The following ADAMTS10 variants were observed in gnomAD, a reference collection of about 807,000 sequenced individuals.
ADAMTS10 encodes ADAM metallopeptidase with thrombospondin type 1 motif 10.
In ADAMTS10, 48 loss-of-function variants were observed where a neutral mutation model predicts 135.9. The observed-to-expected ratio is 0.35, with a 90% CI of 0.28 to 0.45. The LOEUF is 0.45. ADAMTS10 is among the 20% of genes least tolerant of loss of function. The probability of loss-of-function intolerance (pLI) is 1.00; values close to 1 mark genes in which losing one functional copy is unlikely to be tolerated. For missense variants in ADAMTS10, 1,131 were observed against 1,565.2 expected (o/e 0.72, Z 4.68); for synonymous variants, 621 against 647.5 (o/e 0.96, Z 0.62).
intron 18 of ADAMTS10, among the ~76,000 whole-genome samples, chr19:8,588,831 G>A (rs550183805): frequency 8.6e-5 from 13 of 151,484 alleles, no homozygotes; most frequent in Non-Finnish European, 1.5e-4. Context: ...TCGCTCTGTC[G>A]CCCAGACTGG....
chr19:8,586,303 C>T (rs1471352473), intron 21 of ADAMTS10, 41 bp downstream of exon 21: 4 of 1,613,354 alleles, frequency 2.5e-6, no homozygotes, highest in Non-Finnish European at 3.4e-6. Context: ...CAGAGAACCT[C>T]AGCCCAGGTA....
Position 8,580,990 on chromosome 19 carries a change from A to C in ADAMTS10, c.3215T>G (p.Val1072Gly). 6.2e-7 allele frequency: 1 copy of C among 1,613,078 alleles called. No individual in the cohort carries two copies. Among genetic ancestry groups the C allele is most frequent in the African/African-American group, 1.3e-5 (1 of 74,978 alleles). Residue 1072 changes from valine to glycine, a missense_variant, in exon 26 of 26, where the codon GTG becomes GGG. By Grantham distance (109) the Val-to-Gly change is moderately radical. Coordinates refer to ENST00000597188, the MANE Select transcript of ADAMTS10 (RefSeq NM_030957.4). ...PGDGPEECKD[V>G]NKVAYCPLVL... is the part of the protein sequence containing the mutation. The stretch of plus-strand genomic sequence containing the variant: ...CAGGGGGCAGTAGGCGACCTTGTTC[A>C]CATCCTTGCACTCTGCGGGGACGGG...
intron 18 of ADAMTS10, among the ~76,000 whole-genome samples, chr19:8,588,742 A>C (rs1202455196): frequency 6.6e-6 from 1 of 151,830 alleles, no homozygotes; most frequent in East Asian, 1.9e-4. Flanking sequence ...CAGACGTGGC[A>C]TGAGCTTCTC....
intron 13 of ADAMTS10, 64 bp from the exon 14 acceptor site, chr19:8,592,167 C>A: frequency 6.2e-7 from 1 of 1,611,836 alleles, no homozygotes; most frequent in Non-Finnish European, 8.5e-7. Flanking sequence ...CCCCATGCAC[C>A]GTTCCCCACT....
At chr19:8,592,416 T>A (rs1448835516) in intron 13 of ADAMTS10, among the ~76,000 whole-genome samples, 5 of 151,396 alleles carry the variant, frequency 3.3e-5, no homozygotes, top group Non-Finnish European at 7.4e-5. Flanking sequence ...GCAGTAGGCG[T>A]GGCCAGAGCC....
intron 15 of ADAMTS10, among the ~76,000 whole-genome samples, chr19:8,591,432 T>TAGCG (rs1301309710): frequency 6.8e-6 from 1 of 147,214 alleles, no homozygotes; most frequent in Non-Finnish European, 1.5e-5. Flanking sequence ...AGCACTCTGA[T>TAGCG]AGCGTTTTTG....
chr19:8,583,797 C>T (rs1320642440), intron 25 of ADAMTS10, among the ~76,000 whole-genome samples: 4 of 151,978 alleles, frequency 2.6e-5, no homozygotes, highest in Non-Finnish European at 5.9e-5. Context: ...GTGGAGGTTG[C>T]AGTGAGCCGA....
In ADAMTS10 at chr19:8,603,836, G is replaced by T. The variant is rs782071732; in HGVS notation, c.484C>A (p.His162Asn). Residue 162 changes from histidine (H) to asparagine (N), a missense_variant, in exon 5 of 26, where the codon CAC (histidine) becomes AAC (asparagine). His to Asn is a moderately conservative substitution (Grantham distance 68, BLOSUM62 1). Transcript: ENST00000597188. ...CTCCGAGAACCCTTGGGCCCACCGTGCAGGGGCTCAATCAGGTACTCTTCC... is the reference window on the plus strand; with the variant it reads ...CTCCGAGAACCCTTGGGCCCACCGTTCAGGGGCTCAATCAGGTACTCTTCC... ...DEEEYLIEPL[H>N]GGPKGSRSPE... 6.2e-7 allele frequency: 1 copy of T among 1,614,072 alleles called. No individual in the cohort carries two copies. The highest frequency in any genetic ancestry group is 8.5e-7 in the Non-Finnish European group (1 of 1,180,022).
Position 8,584,894 on chromosome 19 carries a change from C to A in ADAMTS10, c.3202+1G>T. Reference sequence around the variant, plus strand: ...CGCACCCTGGCTGGTCACCCACATACCTTCAGGGCCGTCCCCGGGGGTTGG... The same window carrying A: ...CGCACCCTGGCTGGTCACCCACATAACTTCAGGGCCGTCCCCGGGGGTTGG... On this transcript the variant is annotated splice_donor_variant, in intron 25 of 25. Transcript: ENST00000597188. LOFTEE classifies it high-confidence loss of function. 1 of 1,548,968 alleles carries A rather than the reference C, an allele frequency of 6.5e-7. No homozygotes were observed. Among genetic ancestry groups the A allele is most frequent in the Non-Finnish European group, 8.7e-7 (1 of 1,146,452 alleles).
chr19:8,587,028 C>T, intron 18 of ADAMTS10, 132 bp from the exon 19 acceptor site: 2 of 958,764 alleles, frequency 2.1e-6, no homozygotes, highest in Non-Finnish European at 3.3e-6. Context: ...ACCCCTGCCC[C>T]ACCCTTGTGA....
Position 8,586,171 on chromosome 19 carries a change from T to A in ADAMTS10, c.2611A>T (p.Lys871Ter). 1 of 1,613,056 alleles carries A rather than the reference T, an allele frequency of 6.2e-7. No homozygotes were observed. Among genetic ancestry groups the A allele is most frequent in the Non-Finnish European group, 8.5e-7 (1 of 1,180,014 alleles). Residue 871 changes from lysine (K) to a stop codon, truncating the protein, a stop_gained, in exon 22 of 26, where the codon AAG becomes TAG. Coordinates refer to ENST00000597188, the MANE Select transcript of ADAMTS10 (RefSeq NM_030957.4). LOFTEE classifies it high-confidence loss of function. ...VAPHYCSAHS[K>*]LPKRQRACNT... ...CAGGCGCGCTGCCTTTTGGGCAGCT[T>A]GCTGTGGGCACTGCAGTAGTGGGGG...
In ADAMTS10 at chr19:8,589,900, G is replaced by A. The variant is rs368775657; in HGVS notation, c.1889C>T (p.Thr630Met). 9.3e-6 allele frequency: 15 copies of A among 1,613,844 alleles called. No individual in the cohort carries two copies. The highest frequency in any genetic ancestry group is 1.3e-5 in the Non-Finnish European group (15 of 1,179,892). Reference sequence around the variant, plus strand: ...AGTCCCACACTCACCTCCCCGGTACGTTTTCCACTTGTAGAATTTCCCACG... The same window carrying A: ...AGTCCCACACTCACCTCCCCGGTACATTTTCCACTTGTAGAATTTCCCACG... ...PFRGKFYKWK[T>M]YRGGGVKACS... Residue 630 changes from threonine (T) to methionine (M), a missense_variant, in exon 16 of 26, where the codon ACG becomes ATG. Physicochemically the swap from Thr to Met is moderately conservative, Grantham distance 81. This residue lies in a region of ADAMTS10 where 745 missense variants were observed against 1,056.3 expected (regional missense o/e 0.71). Coordinates refer to ENST00000597188, the MANE Select transcript of ADAMTS10 (RefSeq NM_030957.4).
At chr19:8,594,449 C>T (rs1181846511) in intron 12 of ADAMTS10, among the ~76,000 whole-genome samples, 3 of 152,152 alleles carry the variant, frequency 2.0e-5, no homozygotes, top group Non-Finnish European at 4.4e-5. Context: ...AAATAAATCC[C>T]CCTTTGCCAA....
intron 6 of ADAMTS10, among the ~76,000 whole-genome samples, chr19:8,600,672 G>A (rs955624591): frequency 6.6e-6 from 1 of 151,722 alleles, no homozygotes; most frequent in Non-Finnish European, 1.5e-5. Context: ...CTAATTTTTT[G>A]TATTTTTAGT....
In ADAMTS10 at chr19:8,601,544, T is replaced by C. The variant is rs2042670293; in HGVS notation, c.593-399A>G. ...GCCTGGCTAATTTTTGTATTTTTAA[T>C]TGAGACTGCATTTCACCATGTTGGC... On this transcript the variant is annotated intron_variant, in intron 5 of 25. Coordinates refer to ENST00000597188, the MANE Select transcript of ADAMTS10 (RefSeq NM_030957.4). This position sits in a 1 kb window ranked among gnomAD's most constrained non-coding sequence, Gnocchi z 4.6. Among the ~76,000 whole-genome samples the C allele has an allele frequency of 6.6e-6, 1 of 151,950 alleles. No homozygotes were observed. The highest frequency in any genetic ancestry group is 1.5e-5 in the Non-Finnish European group (1 of 67,996).
rs782547236 is a variant in ADAMTS10, at chr19:8,586,433, C to T, written c.2441G>A (p.Arg814His). 29 of 1,613,784 alleles carry T rather than the reference C, an allele frequency of 1.8e-5. 1 individual carries two copies. The African/African-American group carries it at 3.5e-4, about 19-fold the overall frequency. ...ARTELPALRY[R>H]FNAPIARDSL... The stretch of plus-strand genomic sequence containing the variant: ...GTCACGGGCGATGGGGGCATTGAAG[C>T]GGTAGCGGAGGGCAGGCAGCTCGGT... Residue 814 changes from arginine to histidine, a missense_variant, in exon 21 of 26, where the codon CGC becomes CAC. Coordinates refer to ENST00000597188, the MANE Select transcript of ADAMTS10 (RefSeq NM_030957.4).
chr19:8,608,529 G>A (rs553672467), intron 1 of ADAMTS10, among the ~76,000 whole-genome samples: 6 of 152,072 alleles, frequency 3.9e-5, no homozygotes, highest in South Asian at 4.1e-4. Context: ...TCTGACCCCC[G>A]CTCCTGCCCT....
intron 25 of ADAMTS10, chr19:8,582,860 G>A (rs193087354): frequency 6.6e-6 from 1 of 152,320 alleles, no homozygotes; most frequent in East Asian, 1.9e-4. Flanking sequence ...ATGCTGGCCA[G>A]GTTAGTCTCA....
At chr19:8,599,631 T>TGCA (rs2042641735) in intron 6 of ADAMTS10, among the ~76,000 whole-genome samples, 1 of 152,062 alleles carries the variant, frequency 6.6e-6, no homozygotes, top group African/African-American at 2.4e-5. Context: ...GTGCCCAGCC[T>TGCA]ACTGCGATTT....
Sources: allele counts gnomAD v4.1 joint callset (sites outside exome capture counted in the v4.1 genomes callset), GRCh38; gene constraint gnomAD v4.1.1; regional missense constraint gnomAD v4.1.1; non-coding constraint Gnocchi (gnomAD v3.1); transcripts MANE v1.5; gene names NCBI Gene and HGNC (gene_info 2026-07-23, HGNC 2026-07-21).